THSD4: variants seen among roughly 807,000 people sequenced by gnomAD.
The protein encoded by THSD4 is thrombospondin type-1 domain-containing protein 4.
In THSD4, 69 loss-of-function variants were observed where a neutral mutation model predicts 119.0. The ratio of observed to expected loss-of-function variants is 0.58; its 90% CI spans 0.48 to 0.71. The LOEUF (loss-of-function observed/expected upper bound fraction) is 0.71. Ranked by LOEUF, THSD4 falls within the 30% of genes least tolerant of loss-of-function variation. The pLI is 0.00. For synonymous variants in THSD4, 524 were observed against 540.4 expected (o/e 0.97, Z 0.42); for missense variants, 1,393 against 1,391.1 (o/e 1.00, Z -0.02).
At chr15:71,678,651 G>A (rs913471867) in intron 8 of THSD4, among the ~76,000 whole-genome samples, 5 of 152,114 alleles carry the variant, frequency 3.3e-5, no homozygotes, top group African/African-American at 7.2e-5. Flanking sequence ...ATCATGAACC[G>A]CCTTTATTAG....
intron 7 of THSD4, among the ~76,000 whole-genome samples, chr15:71,509,669 A>G (rs76709455): frequency 0.044 from 6,768 of 152,298 alleles, 230 homozygotes; most frequent in Non-Finnish European, 0.06. Context: ...TGCTTTCACC[A>G]TACTGTATCT....
intron 7 of THSD4, among the ~76,000 whole-genome samples, chr15:71,486,633 T>A (rs2047826174): frequency 2.7e-5 from 3 of 111,712 alleles, no homozygotes; most frequent in Non-Finnish European, 4.1e-5. Context: ...TTTTTTTTTT[T>A]TTTATTTCCC....
intron 7 of THSD4, among the ~76,000 whole-genome samples, chr15:71,539,429 T>C (rs1412637698): frequency 1.3e-5 from 2 of 152,212 alleles, no homozygotes; most frequent in East Asian, 3.8e-4. Flanking sequence ...ATCTTCCTTC[T>C]TCCTTCATAA....
chr15:71,331,505 G>A (rs1166164038), intron 6 of THSD4, among the ~76,000 whole-genome samples: 1 of 152,218 alleles, frequency 6.6e-6, no homozygotes, highest in Non-Finnish European at 1.5e-5. Context: ...AAAACCTGCT[G>A]TGGCTCCACA....
chr15:71,428,778 A>C (rs371815292), intron 7 of THSD4, among the ~76,000 whole-genome samples: 5 of 152,232 alleles, frequency 3.3e-5, no homozygotes, highest in Non-Finnish European at 7.3e-5. Flanking sequence ...ACAGGAAATA[A>C]CCAGTGGTTG....
intron 7 of THSD4, among the ~76,000 whole-genome samples, chr15:71,562,914 G>T (rs369178771): frequency 6.6e-6 from 1 of 152,126 alleles, no homozygotes; most frequent in South Asian, 2.1e-4. Flanking sequence ...ATGTTAGCCA[G>T]CTGGTCTCCA....
chr15:71,699,036 C>T lies in THSD4; in HGVS notation c.1358-29513C>T, dbSNP rs373094394. Among the ~76,000 whole-genome samples the T allele has an allele frequency of 3.9e-5, 6 of 152,146 alleles. No individual in the cohort carries two copies. The South Asian group carries it at 1.2e-3, about 32-fold the overall frequency. ...ACAGTTAACAATACTGTATTGCATACTTAAAAATGTGTTAAAAGAGTAGAC... is the reference window on the plus strand; with the variant it reads ...ACAGTTAACAATACTGTATTGCATATTTAAAAATGTGTTAAAAGAGTAGAC... On this transcript the variant is annotated intron_variant, in intron 8 of 17. Coordinates refer to ENST00000261862, the MANE Select transcript of THSD4 (RefSeq NM_024817.3).
chr15:71,401,382 T>G (rs1047381156), intron 6 of THSD4, among the ~76,000 whole-genome samples: 1 of 152,342 alleles, frequency 6.6e-6, no homozygotes, highest in Non-Finnish European at 1.5e-5. Flanking sequence ...TAGATTTTTT[T>G]AAAAATTGGT....
At position 71,134,865 on chromosome 15, in the gene THSD4, G is replaced by C. The variant is rs544870129; in HGVS notation, c.-79-6584G>C. Among the ~76,000 whole-genome samples the C allele has an allele frequency of 2.6e-5, 4 of 151,818 alleles. No homozygotes were observed. In the East Asian group the frequency reaches 7.8e-4, roughly 30 times the overall value. On this transcript the variant is annotated intron_variant, in intron 1 of 17. Transcript: ENST00000261862. Reference sequence around the variant, plus strand: ...CATTTGACCCAGCCATCCCATTACTGGGTATATACCCAAATGACTATAAAT... The same window carrying C: ...CATTTGACCCAGCCATCCCATTACTCGGTATATACCCAAATGACTATAAAT...
intron 7 of THSD4, among the ~76,000 whole-genome samples, chr15:71,627,809 T>C (rs1284377047): frequency 6.6e-6 from 1 of 152,124 alleles, no homozygotes; most frequent in African/African-American, 2.4e-5. Context: ...AGTTTAATTA[T>C]ATGGTGGTTT....
At chr15:71,726,432 T>C (rs1395204270) in intron 8 of THSD4, among the ~76,000 whole-genome samples, 1 of 152,230 alleles carries the variant, frequency 6.6e-6, no homozygotes, top group Admixed American at 6.5e-5. Context: ...GAAGGATACA[T>C]ATTTGCAATG....
At chr15:71,504,079 G>T (rs1191647565) in intron 7 of THSD4, among the ~76,000 whole-genome samples, 2 of 152,176 alleles carry the variant, frequency 1.3e-5, no homozygotes, top group African/African-American at 4.8e-5. Context: ...GAAAAAAATG[G>T]AAAGTGAAGG....
At chr15:71,225,107 T>C (rs902087168) in intron 4 of THSD4, among the ~76,000 whole-genome samples, 1 of 152,012 alleles carries the variant, frequency 6.6e-6, no homozygotes, top group South Asian at 2.1e-4. Flanking sequence ...CTCTGGTTGT[T>C]TATGGGAAAT....
At chr15:71,751,332 G>T (rs2053445154) in intron 14 of THSD4, among the ~76,000 whole-genome samples, 1 of 152,092 alleles carries the variant, frequency 6.6e-6, no homozygotes, top group African/African-American at 2.4e-5. Flanking sequence ...TGGTTAAAAA[G>T]TAACACAGTA....
chr15:71,743,453 A>G (rs573311589), intron 11 of THSD4, among the ~76,000 whole-genome samples: 1 of 152,340 alleles, frequency 6.6e-6, no homozygotes, highest in South Asian at 2.1e-4. Context: ...CAAGCTGTGA[A>G]CCATGTATTC....
At chr15:71,394,697 A>C (rs1316626401) in intron 6 of THSD4, among the ~76,000 whole-genome samples, 1 of 152,206 alleles carries the variant, frequency 6.6e-6, no homozygotes, top group African/African-American at 2.4e-5. Context: ...ATTTCAGTTC[A>C]GTTCAGAAGT....
chr15:71,757,046 C>T (rs2053551471), intron 14 of THSD4, among the ~76,000 whole-genome samples: 1 of 152,198 alleles, frequency 6.6e-6, no homozygotes. Context: ...ATACCATTTA[C>T]TGGGCACCTC....
chr15:71,227,477 C>T (rs988894286), intron 4 of THSD4, among the ~76,000 whole-genome samples: 10 of 152,180 alleles, frequency 6.6e-5, no homozygotes, highest in African/African-American at 2.2e-4. Flanking sequence ...AGGAATTTCC[C>T]GCATGTGGGG....
intron 7 of THSD4, among the ~76,000 whole-genome samples, chr15:71,543,350 G>A (rs1232462656): frequency 6.6e-6 from 1 of 152,188 alleles, no homozygotes; most frequent in Non-Finnish European, 1.5e-5. Context: ...CCTGGAAGGA[G>A]AAGAGAACAG....
Sources: gnomAD v4.1 joint callset for allele counts (sites outside exome capture counted in the v4.1 genomes callset) on GRCh38, gnomAD v4.1.1 for gene constraint, MANE v1.5 for transcripts, NCBI Gene and HGNC (gene_info 2026-07-23, HGNC 2026-07-21) for gene names.